UNC5C: variants seen among roughly 807,000 people sequenced by gnomAD.
UNC5C encodes netrin receptor UNC5C.
Under a neutral mutation model 99.8 loss-of-function variants are expected in UNC5C, and 47 were observed. The ratio of observed to expected loss-of-function variants is 0.47; its 90% confidence interval spans 0.37 to 0.60. The LOEUF is 0.60. UNC5C is among the 20% of genes least tolerant of loss of function. The pLI is 0.00. For missense variants in UNC5C, 1,062 were observed against 1,165.9 expected, an observed-to-expected ratio of 0.91 and a Z score of 1.30; for synonymous variants, 487 against 452.2, an observed-to-expected ratio of 1.08 and a Z score of -0.98.
chr4:95,328,170 G>A (rs1472197155), intron 2 of UNC5C, among the ~76,000 whole-genome samples: 1 of 107,222 alleles, frequency 9.3e-6, no homozygotes, highest in East Asian at 3.6e-4. Context: ...ACCCACTAAC[G>A]TGTCATCTAG....
chr4:95,502,535 A>G (rs1905851), intron 1 of UNC5C, among the ~76,000 whole-genome samples: 6,555 of 152,208 alleles, frequency 0.043, 221 homozygotes, highest in Admixed American at 0.11. Context: ...AGCCTCCCAA[A>G]GTGTTGAGAT....
chr4:95,363,696 C>G (rs1484257001), intron 1 of UNC5C, among the ~76,000 whole-genome samples: 2 of 152,024 alleles, frequency 1.3e-5, no homozygotes, highest in Non-Finnish European at 2.9e-5. Context: ...AAAAAAGAAA[C>G]AAAAACAAAA....
chr4:95,219,120 C>T lies in UNC5C; in HGVS notation c.1494G>A (p.Thr498=), dbSNP rs141315686. The change falls in exon 9 of 16, where the codon ACG becomes ACA. Residue 498 remains threonine (T), a synonymous_variant. Coordinates refer to ENST00000453304, the MANE Select transcript of UNC5C (RefSeq NM_003728.4). ...VTPQDDLSEF[T]SKLSPQMTQS... is the part of the protein sequence containing the mutation. ...GGGTCATCTGAGGGGACAGCTTGGA[C>T]GTAAACTCAGAGAGGTCATCTTGGG... 4.8e-5 allele frequency: 78 copies of T among 1,614,068 alleles called. 1 individual carries two copies. The highest frequency in any genetic ancestry group is 1.5e-4 in the South Asian group (14 of 91,086).
chr4:95,240,126 A>C lies in UNC5C; in HGVS notation c.1108+2303T>G, dbSNP rs373040688. On this transcript the variant is annotated intron_variant, in intron 7 of 15. Coordinates refer to ENST00000453304, the MANE Select transcript of UNC5C (RefSeq NM_003728.4). ...TGCATTCCAGACACTAATTCTCCCAAAGGAAATAAATATTAAATGATAATT... is the reference window on the plus strand; with the variant it reads ...TGCATTCCAGACACTAATTCTCCCACAGGAAATAAATATTAAATGATAATT... Among the ~76,000 whole-genome samples, 19 of 152,288 alleles carry C rather than the reference A, an allele frequency of 1.2e-4. No homozygotes were observed. The East Asian group carries it at 3.7e-3, about 29-fold the overall frequency.
chr4:95,179,791 C>T (rs943338256), intron 14 of UNC5C, among the ~76,000 whole-genome samples: 1 of 148,840 alleles, frequency 6.7e-6, no homozygotes, highest in African/African-American at 2.4e-5. Flanking sequence ...CTAATAAATA[C>T]TGCCCCCTAA....
intron 2 of UNC5C, among the ~76,000 whole-genome samples, chr4:95,328,040 C>CTTTTTTT (rs34794058): frequency 5.4e-4 from 47 of 86,954 alleles, no homozygotes; most frequent in Admixed American, 7.8e-4. Flanking sequence ...CAGGCAACTT[C>CTTTTTTT]TTTTTTTTTT....
intron 1 of UNC5C, among the ~76,000 whole-genome samples, chr4:95,519,399 G>A (rs899452578): frequency 6.6e-6 from 1 of 151,984 alleles, no homozygotes; most frequent in Non-Finnish European, 1.5e-5. Context: ...TCCCCCTTAA[G>A]AGACCCATAG....
chr4:95,179,898 T>TTTTG (rs1159976577), intron 14 of UNC5C, among the ~76,000 whole-genome samples: 2 of 152,170 alleles, frequency 1.3e-5, no homozygotes, highest in African/African-American at 4.8e-5. Flanking sequence ...GGGAGCTAAT[T>TTTTG]TTTGTTTATA....
intron 2 of UNC5C, among the ~76,000 whole-genome samples, chr4:95,331,459 T>G (rs1321549035): frequency 6.6e-6 from 1 of 152,158 alleles, no homozygotes; most frequent in Non-Finnish European, 1.5e-5. Context: ...TTAAAGGTAA[T>G]ACCTACATGA....
chr4:95,209,084 G>A (rs1737981125), intron 10 of UNC5C, among the ~76,000 whole-genome samples: 1 of 152,164 alleles, frequency 6.6e-6, no homozygotes, highest in Non-Finnish European at 1.5e-5. Flanking sequence ...CATTATAAAA[G>A]ACTCAGGTTC....
intron 3 of UNC5C, among the ~76,000 whole-genome samples, chr4:95,294,246 G>T (rs1741590944): frequency 6.6e-6 from 1 of 152,300 alleles, no homozygotes; most frequent in Admixed American, 6.5e-5. Context: ...GTTTTAGACA[G>T]TGTGCTGGAT....
chr4:95,354,479 A>ATATATTTTTTTTT, intron 1 of UNC5C, among the ~76,000 whole-genome samples: 85 of 110,320 alleles, frequency 7.7e-4, no homozygotes, highest in East Asian at 7.2e-3. Flanking sequence ...ATATATATAT[A>ATATATTTTTTTTT]TTTTTTTTTT....
intron 12 of UNC5C, among the ~76,000 whole-genome samples, chr4:95,194,899 T>G (rs2149356958): frequency 6.6e-6 from 1 of 152,282 alleles, no homozygotes; most frequent in South Asian, 2.1e-4. Flanking sequence ...ACATGGCAAG[T>G]CATTTCTAAG....
chr4:95,190,864 A>G (rs1319483154), intron 12 of UNC5C, among the ~76,000 whole-genome samples: 2 of 152,158 alleles, frequency 1.3e-5, no homozygotes, highest in Non-Finnish European at 2.9e-5. Flanking sequence ...AGTGAGGGCT[A>G]TATTGATTCA....
chr4:95,274,660 T>C (rs999196679), intron 4 of UNC5C, among the ~76,000 whole-genome samples: 2 of 152,048 alleles, frequency 1.3e-5, no homozygotes, highest in African/African-American at 4.8e-5. Flanking sequence ...ATTTCCTCTT[T>C]GGGAGAAAAT....
intron 3 of UNC5C, among the ~76,000 whole-genome samples, chr4:95,279,536 A>C (rs1185237815): frequency 3.9e-5 from 6 of 152,238 alleles, no homozygotes; most frequent in Admixed American, 3.9e-4. Context: ...ATTTAGTCTA[A>C]TTTCTAAAGT....
At chr4:95,488,631 A>G (rs1203156795) in intron 1 of UNC5C, among the ~76,000 whole-genome samples, 2 of 151,744 alleles carry the variant, frequency 1.3e-5, no homozygotes, top group Non-Finnish European at 2.9e-5. Flanking sequence ...TCTACCATTA[A>G]CAACAGGAAC....
intron 1 of UNC5C, among the ~76,000 whole-genome samples, chr4:95,394,508 G>C (rs1745453825): frequency 6.6e-6 from 1 of 152,150 alleles, no homozygotes; most frequent in Non-Finnish European, 1.5e-5. Flanking sequence ...CTTTTACATT[G>C]ATTTTAAGAG....
chr4:95,548,767 G>C lies in UNC5C; in HGVS notation c.91C>G (p.Leu31Val). The C allele has an allele frequency of 3.1e-6, 5 of 1,613,338 alleles. No individual in the cohort carries two copies. Among genetic ancestry groups the C allele is most frequent in the Non-Finnish European group, 3.4e-6 (4 of 1,179,872 alleles). The change falls in exon 1 of 16, where the codon CTC becomes GTC. Residue 31 changes from leucine (L) to valine (V), a missense_variant. Around this residue, in one of 3 missense-constraint regions of UNC5C, gnomAD observed 249 missense variants for 295.1 expected, o/e 0.84. Coordinates refer to ENST00000453304, the MANE Select transcript of UNC5C (RefSeq NM_003728.4). ...QMLVLPALAL[L>V]SASGTGSAAQ... Reference sequence around the variant, plus strand: ...GCGGAGCCAGTGCCGCTGGCGCTGAGCAGGGCCAGGGCAGGTAGCACGAGC... The same window carrying C: ...GCGGAGCCAGTGCCGCTGGCGCTGACCAGGGCCAGGGCAGGTAGCACGAGC...
Sources: gnomAD v4.1 joint callset for allele counts (sites outside exome capture counted in the v4.1 genomes callset) on GRCh38, gnomAD v4.1.1 for gene constraint, gnomAD v4.1.1 regional missense constraint, MANE v1.5 for transcripts, NCBI Gene and HGNC (gene_info 2026-07-23, HGNC 2026-07-21) for gene names.